IFT140: variants seen among roughly 807,000 people sequenced by gnomAD.
IFT140 encodes the protein intraflagellar transport protein 140 homolog.
A neutral mutation model predicts 164.6 loss-of-function variants in IFT140; 133 were observed. The ratio of observed to expected loss-of-function variants is 0.81; its 90% CI spans 0.70 to 0.93. The LOEUF is 0.93. IFT140 is among the 40% of genes least tolerant of loss of function. The pLI is 0.00. For missense variants in IFT140, 2,045 were observed against 1,972.3 expected (o/e 1.04, Z -0.70); for synonymous variants, 860 against 817.3 (o/e 1.05, Z -0.89).
At chr16:1,597,280 G>C (rs764062977) in intron 4 of IFT140, among the ~76,000 whole-genome samples, 1 of 152,186 alleles carries the variant, frequency 6.6e-6, no homozygotes. Context: ...AGGACACTTA[G>C]TGGGAAATCC....
At chr16:1,525,398 G>A in intron 21 of IFT140, 72 bp from the exon 22 acceptor site, 1 of 1,180,774 alleles carries the variant, frequency 8.5e-7, no homozygotes, top group Non-Finnish European at 1.3e-6. Context: ...GGGCTGAGGG[G>A]CAGCGTCGGT....
rs751629348 is a variant in IFT140 at position 1,526,071 on chromosome 16, C to T, written c.2584G>A (p.Ala862Thr). ...LATQLGMLED[A>T]EQLYRKCKRH... The stretch of plus-strand genomic sequence containing the variant: ...TTGCACTTCCTGTACAGCTGCTCGG[C>T]GTCCTCCTGAGGAATGAGGATGGGC... The change falls in exon 21 of 31, where the codon GCC becomes ACC. Residue 862 changes from alanine (A) to threonine (T), a missense_variant. Transcript: ENST00000426508. 4.0e-5 allele frequency: 64 copies of T among 1,584,638 alleles called. 1 individual carries two copies. In the Middle Eastern group the frequency reaches 5.0e-4, roughly 12 times the overall value.
chr16:1,522,606 C>A (rs1273365026), intron 26 of IFT140, among the ~76,000 whole-genome samples: 1 of 151,804 alleles, frequency 6.6e-6, no homozygotes, highest in African/African-American at 2.4e-5. Flanking sequence ...TTTGGGGGGC[C>A]GAGGCAGGCA....
intron 19 of IFT140, among the ~76,000 whole-genome samples, chr16:1,557,122 T>C (rs1402147879): frequency 2.0e-5 from 3 of 152,164 alleles, no homozygotes; most frequent in Non-Finnish European, 4.4e-5. Flanking sequence ...GCCCCGGCCA[T>C]ATTGAAGGTT....
chr16:1,603,682 C>T (rs568235191), intron 3 of IFT140, among the ~76,000 whole-genome samples: 1 of 152,194 alleles, frequency 6.6e-6, no homozygotes, highest in South Asian at 2.1e-4. Flanking sequence ...AGTGTTTCAT[C>T]ATATTGGCCA....
chr16:1,601,263 CAA>C (rs965825314), intron 4 of IFT140, among the ~76,000 whole-genome samples: 27 of 55,244 alleles, frequency 4.9e-4, no homozygotes, highest in Admixed American at 8.9e-4. Context: ...GATTCCATCA[CAA>C]AAAAAAAAAA....
In IFT140 at chr16:1,545,952, C is replaced by T. The variant is rs1177003406; in HGVS notation, c.2399+11983G>A. On this transcript the variant is annotated intron_variant, in intron 19 of 30. Coordinates refer to ENST00000426508, the MANE Select transcript of IFT140 (RefSeq NM_014714.4). Reference sequence around the variant, plus strand: ...GAGCAGCTGAAATGTGCGGGGACCCCACTGTCCTGGCTTGGCTGCCGCTGC... The same window carrying T: ...GAGCAGCTGAAATGTGCGGGGACCCTACTGTCCTGGCTTGGCTGCCGCTGC... Among the ~76,000 whole-genome samples, 4 of 152,354 alleles carry T rather than the reference C, an allele frequency of 2.6e-5. No individual in the cohort carries two copies. The East Asian group carries it at 7.7e-4, about 29-fold the overall frequency.
Position 1,551,213 on chromosome 16 carries a change from G to A in IFT140, c.2399+6722C>T, listed in dbSNP as rs917781828. Reference sequence around the variant, plus strand: ...CAATGGTGGGGCAAGTTCTGGCCCCGGGGAGCCTGCCCTGTGGCGGGGGAG... The same window carrying A: ...CAATGGTGGGGCAAGTTCTGGCCCCAGGGAGCCTGCCCTGTGGCGGGGGAG... On this transcript the variant is annotated intron_variant, in intron 19 of 30. Transcript: ENST00000426508. The surrounding 1 kb of genome is among the most constrained non-coding windows in gnomAD (Gnocchi z 4.0). 4.6e-5 allele frequency among the ~76,000 whole-genome samples: 7 copies of A among 152,244 alleles called. No individual in the cohort carries two copies. The highest frequency in any genetic ancestry group is 9.6e-5 in the African/African-American group (4 of 41,464).
intron 2 of IFT140, 104 bp downstream of exon 2, chr16:1,610,560 G>C (rs1306707111): frequency 6.6e-6 from 1 of 152,460 alleles, no homozygotes; most frequent in Non-Finnish European, 1.5e-5. Context: ...CGTGGGAGGA[G>C]ACGGGAGGGT....
chr16:1,592,676 G>A, intron 4 of IFT140, 88 bp from the exon 5 acceptor site: 2 of 1,384,994 alleles, frequency 1.4e-6, no homozygotes, highest in Non-Finnish European at 1.9e-6. Context: ...GCGACTGGTG[G>A]TGGGACAGGT....
chr16:1,518,085 G>C, intron 30 of IFT140, 131 bp downstream of exon 30: 2 of 841,554 alleles, frequency 2.4e-6, no homozygotes, highest in Non-Finnish European at 3.6e-6. Context: ...TCATTCTCCT[G>C]CCTCAGCCTC....
intron 19 of IFT140, among the ~76,000 whole-genome samples, chr16:1,545,931 A>G (rs573444661): frequency 3.1e-4 from 47 of 152,310 alleles, no homozygotes; most frequent in African/African-American, 1.1e-3. Context: ...CAGAGAGAGC[A>G]GCTGAAATGT....
Position 1,510,569 on chromosome 16 carries a change from T to G in IFT140, c.*375A>C. 3 of 332,594 alleles carry G rather than the reference T, an allele frequency of 9.0e-6. No individual in the cohort carries two copies. Among genetic ancestry groups the G allele is most frequent in the Non-Finnish European group, 5.6e-6 (1 of 178,996 alleles). The allele number at this position is 332,594 out of a possible 1,614,324, so 20.6% of individuals were successfully genotyped here. A position where few individuals can be genotyped will look rare whatever the true frequency, so the allele number is the denominator to read the frequency against. On this transcript the variant is annotated 3_prime_UTR_variant, in exon 31 of 31. Coordinates refer to ENST00000426508, the MANE Select transcript of IFT140 (RefSeq NM_014714.4). ...GGGCCCTGCAGGAGTATGGGGAGGA[T>G]ATGATGTGTGGGGAGCAGGGGGGCA...
Position 1,584,246 on chromosome 16 carries a change from T to G in IFT140, c.1330A>C (p.Met444Leu). The change falls in exon 11 of 31, where the codon ATG becomes CTG. Residue 444 changes from methionine (M) to leucine (L), a missense_variant. By Grantham distance (15) the Met-to-Leu change is conservative (BLOSUM62 2). Transcript: ENST00000426508. ...GTGGCAAACACTCCACTGATGTGCATGTCGGTGCGCAGGCTGTGTGCGACC... is the reference window on the plus strand; with the variant it reads ...GTGGCAAACACTCCACTGATGTGCAGGTCGGTGCGCAGGCTGTGTGCGACC... ...TGVAHSLRTD[M>L]HISGVFATKD... 3.7e-6 allele frequency: 6 copies of G among 1,613,828 alleles called. No individual in the cohort carries two copies. The highest frequency in any genetic ancestry group is 5.1e-6 in the Non-Finnish European group (6 of 1,179,988).
intron 17 of IFT140, among the ~76,000 whole-genome samples, chr16:1,563,029 C>G (rs900404393): frequency 1.3e-5 from 2 of 152,078 alleles, no homozygotes; most frequent in African/African-American, 4.8e-5. Flanking sequence ...CATCACAGAG[C>G]AGACAAAGAG....
chr16:1,552,765 A>G (rs2032764998), intron 19 of IFT140: 1 of 154,672 alleles, frequency 6.5e-6, no homozygotes, highest in Non-Finnish European at 1.4e-5. Context: ...TCTCTGCTTC[A>G]GTCTCCTGAG....
chr16:1,592,407 GC>G, intron 5 of IFT140, 59 bp downstream of exon 5: 2 of 1,610,204 alleles, frequency 1.2e-6, no homozygotes, highest in Non-Finnish European at 1.7e-6. Context: ...GGAGCAGCCC[GC>G]TTCCCACCTC....
At chr16:1,606,931 C>G (rs1048120439) in intron 3 of IFT140, among the ~76,000 whole-genome samples, 189 bp downstream of exon 3, 3 of 149,936 alleles carry the variant, frequency 2.0e-5, no homozygotes, top group Non-Finnish European at 3.0e-5. Context: ...TGTGCGCACA[C>G]ACACACAGAT....
chr16:1,548,380 C>T (rs533838862), intron 19 of IFT140, among the ~76,000 whole-genome samples: 5 of 152,246 alleles, frequency 3.3e-5, no homozygotes, highest in African/African-American at 7.2e-5. Context: ...CCCAAGAAGC[C>T]GCAGGAAGGA....
Sources: allele counts gnomAD v4.1 joint callset (sites outside exome capture counted in the v4.1 genomes callset), GRCh38; gene constraint gnomAD v4.1.1; non-coding constraint Gnocchi (gnomAD v3.1); transcripts MANE v1.5; gene names NCBI Gene and HGNC (gene_info 2026-07-23, HGNC 2026-07-21).